Variants in ARHGAP39 observed in about 807,000 individuals in gnomAD.
ARHGAP39 encodes Rho GTPase activating protein 39.
A neutral mutation model predicts 106.9 loss-of-function variants in ARHGAP39; 44 were observed. The observed-to-expected ratio is 0.41, with a 90% CI of 0.32 to 0.53. The LOEUF (loss-of-function observed/expected upper bound fraction) is 0.53. ARHGAP39 is among the 20% of genes least tolerant of loss of function. The pLI is 0.21. For synonymous variants in ARHGAP39, 768 were observed against 693.2 expected (o/e 1.11, Z -1.69); for missense variants, 1,496 against 1,577.3 (o/e 0.95, Z 0.87).
At chr8:144,665,322 T>C (rs543629714) in intron 1 of ARHGAP39, among the ~76,000 whole-genome samples, 3 of 152,200 alleles carry the variant, frequency 2.0e-5, no homozygotes, top group Non-Finnish European at 4.4e-5. Context: ...TTCAGAAAAT[T>C]TGCAGCCTGA....
At chr8:144,624,122 G>A (rs945340630) in intron 1 of ARHGAP39, among the ~76,000 whole-genome samples, 2 of 152,130 alleles carry the variant, frequency 1.3e-5, no homozygotes, top group Admixed American at 6.5e-5. Context: ...GCTTCCTTAC[G>A]CTCGTGCTAA....
intron 2 of ARHGAP39, among the ~76,000 whole-genome samples, chr8:144,594,677 A>G (rs538939364): frequency 1.3e-5 from 2 of 150,630 alleles, no homozygotes; most frequent in Admixed American, 6.6e-5. Context: ...CTGGGCAACA[A>G]AAGCGAAACG....
At chr8:144,650,768 G>GCCAT (rs1320883235) in intron 1 of ARHGAP39, among the ~76,000 whole-genome samples, 1 of 152,056 alleles carries the variant, frequency 6.6e-6, no homozygotes, top group African/African-American at 2.4e-5. Context: ...AATAATAAGG[G>GCCAT]CCATCTGTGA....
At chr8:144,631,822 C>G (rs1286943745) in intron 1 of ARHGAP39, among the ~76,000 whole-genome samples, 2 of 152,266 alleles carry the variant, frequency 1.3e-5, no homozygotes, top group Non-Finnish European at 2.9e-5. Context: ...TTTCTTGTAA[C>G]CTTTTTCCAG....
At chr8:144,572,833 C>T (rs1818632588) in intron 3 of ARHGAP39, among the ~76,000 whole-genome samples, 1 of 152,190 alleles carries the variant, frequency 6.6e-6, no homozygotes, top group South Asian at 2.1e-4. Flanking sequence ...AGACATTTCT[C>T]AAAAGAAGAC....
chr8:144,664,270 C>T (rs949805951), intron 1 of ARHGAP39, among the ~76,000 whole-genome samples: 1 of 152,212 alleles, frequency 6.6e-6, no homozygotes, highest in African/African-American at 2.4e-5. Context: ...TGGGTTGCTG[C>T]GGTCAGCTCC....
At chr8:144,638,181 G>GTCT (rs1244906419) in intron 1 of ARHGAP39, among the ~76,000 whole-genome samples, 1 of 152,180 alleles carries the variant, frequency 6.6e-6, no homozygotes, top group Non-Finnish European at 1.5e-5. Context: ...GAACACCACA[G>GTCT]TCTTCTGGCT....
At chr8:144,621,185 T>C (rs7010259) in intron 1 of ARHGAP39, among the ~76,000 whole-genome samples, 99,569 of 152,296 alleles carry the variant, frequency 0.65, 32,794 homozygotes, top group African/African-American at 0.71. Flanking sequence ...GCCTGGACTC[T>C]GCAGGCCAAC....
At chr8:144,695,616 T>C in the ARHGAP39 span, among the ~76,000 whole-genome samples, 1 of 152,170 alleles carries the variant, frequency 6.6e-6, no homozygotes, top group African/African-American at 2.4e-5. Context: ...CTCAAAGTTC[T>C]CTCGGCCTTG....
chr8:144,567,370 T>C (rs1034380147), intron 3 of ARHGAP39, among the ~76,000 whole-genome samples: 5 of 152,206 alleles, frequency 3.3e-5, no homozygotes, highest in African/African-American at 1.2e-4. Context: ...ACCAGAGGGC[T>C]CCTTGGTCTA....
Position 144,547,062 on chromosome 8 carries a change from C to T in ARHGAP39, c.1959+65G>A, listed in dbSNP as rs540178767. 16 of 1,472,276 alleles carry T rather than the reference C, an allele frequency of 1.1e-5. No individual in the cohort carries two copies. The African/African-American group carries it at 1.4e-4, about 13-fold the overall frequency. The allele number at this position is 1,472,276 out of a possible 1,614,324, so 91.2% of individuals were successfully genotyped here. On this transcript the variant is annotated intron_variant, in intron 5 of 11. Coordinates refer to ENST00000377307, the MANE Select transcript of ARHGAP39 (RefSeq NM_025251.3). The surrounding 1 kb of genome is among the most constrained non-coding windows in gnomAD (Gnocchi z 5.2). ...CGCCAGGTCTCCTGTGCCTGGCCCA[C>T]GGGGTCCACTCTGACTGGGCTGGCC...
chr8:144,633,907 T>C (rs531190928), intron 1 of ARHGAP39, among the ~76,000 whole-genome samples: 2 of 152,144 alleles, frequency 1.3e-5, no homozygotes, highest in Non-Finnish European at 2.9e-5. Flanking sequence ...CCTCTCCACA[T>C]GAGATTTAAA....
chr8:144,554,021 G>A (rs993039488), intron 4 of ARHGAP39, among the ~76,000 whole-genome samples: 3 of 152,368 alleles, frequency 2.0e-5, no homozygotes, highest in African/African-American at 4.8e-5. Context: ...GGATGTACTC[G>A]TGGTCTGAAC....
intron 1 of ARHGAP39, among the ~76,000 whole-genome samples, chr8:144,620,721 C>A (rs555912281): frequency 1.3e-5 from 2 of 152,246 alleles, no homozygotes; most frequent in Non-Finnish European, 2.9e-5. Flanking sequence ...CTCTCTGACC[C>A]CTGACCCAGT....
chr8:144,552,618 C>A (rs1403592361), intron 4 of ARHGAP39, among the ~76,000 whole-genome samples: 2 of 152,144 alleles, frequency 1.3e-5, no homozygotes, highest in East Asian at 3.9e-4. Context: ...CACTGCTATC[C>A]CTGCTGTTCT....
At position 144,548,275 on chromosome 8, in the gene ARHGAP39, T is replaced by G. The variant is rs776834228; in HGVS notation, c.811A>C (p.Arg271=). Residue 271 remains arginine, a synonymous_variant, in exon 5 of 12, where the codon AGG becomes CGG. Coordinates refer to ENST00000377307, the MANE Select transcript of ARHGAP39 (RefSeq NM_025251.3). The surrounding 1 kb of genome is among the most constrained non-coding windows in gnomAD (Gnocchi z 7.4). ...ADGTIFFPER[R]PSPFLKRAEL... is the part of the protein sequence containing the mutation. ...GCCCTCTTCAGGAAGGGTGACGGCC[T>G]CCTCTCTGGGAAGAAGATGGTGCCG... 1.9e-6 allele frequency: 3 copies of G among 1,608,728 alleles called. No homozygotes were observed. The South Asian group carries it at 3.3e-5, about 18-fold the overall frequency.
chr8:144,696,922 C>T, the ARHGAP39 span, among the ~76,000 whole-genome samples: 2 of 152,232 alleles, frequency 1.3e-5, no homozygotes, highest in African/African-American at 2.4e-5. Flanking sequence ...CAGAATTTGT[C>T]GTGACTGGCT....
chr8:144,587,811 C>T (rs1414885271), intron 2 of ARHGAP39, among the ~76,000 whole-genome samples: 3 of 152,194 alleles, frequency 2.0e-5, no homozygotes, highest in Non-Finnish European at 4.4e-5. Flanking sequence ...CGTGCCACCA[C>T]GCCTGGCTAA....
chr8:144,628,443 G>A (rs1011871537), intron 1 of ARHGAP39, among the ~76,000 whole-genome samples: 46 of 152,260 alleles, frequency 3.0e-4, no homozygotes, highest in African/African-American at 9.1e-4. Context: ...AGGGCATTCC[G>A]GAGTGGCATG....
Sources: gnomAD v4.1 joint callset for allele counts (sites outside exome capture counted in the v4.1 genomes callset) on GRCh38, gnomAD v4.1.1 for gene constraint, Gnocchi (gnomAD v3.1) non-coding constraint, MANE v1.5 for transcripts, NCBI Gene and HGNC (gene_info 2026-07-23, HGNC 2026-07-21) for gene names.